ZNF654: variants seen among roughly 807,000 people sequenced by gnomAD.
The protein encoded by ZNF654 is zinc finger protein 654, also known as melanoma-associated antigen.
In ZNF654, 19 loss-of-function variants were observed where a neutral mutation model predicts 95.3. The observed-to-expected ratio is 0.20, with a 90% CI of 0.14 to 0.29. The LOEUF (loss-of-function observed/expected upper bound fraction) is 0.29. Among genes scored for constraint, ZNF654 ranks in the 10% least tolerant of loss-of-function variants. The probability of loss-of-function intolerance (pLI) is 1.00; values close to 1 mark genes in which losing one functional copy is unlikely to be tolerated. For synonymous variants in ZNF654, 413 were observed against 457.9 expected, an observed-to-expected ratio of 0.90 and a Z score of 1.25; for missense variants, 1,046 against 1,341.0, an observed-to-expected ratio of 0.78 and a Z score of 3.44.
intron 2 of ZNF654, among the ~76,000 whole-genome samples, chr3:88,112,843 G>T (rs965384499): frequency 6.6e-6 from 1 of 151,944 alleles, no homozygotes; most frequent in Non-Finnish European, 1.5e-5. Flanking sequence ...CCATTAAATT[G>T]TATTGCATTG....
chr3:88,097,992 C>A (rs1704168018), intron 2 of ZNF654, among the ~76,000 whole-genome samples: 1 of 152,062 alleles, frequency 6.6e-6, no homozygotes, highest in South Asian at 2.1e-4. Flanking sequence ...CAGAGCAGAA[C>A]TGAAGGAGAT....
At chr3:88,123,954 C>T (rs1576326356) in intron 3 of ZNF654, among the ~76,000 whole-genome samples, 1 of 152,168 alleles carries the variant, frequency 6.6e-6, no homozygotes, top group East Asian at 1.9e-4. Flanking sequence ...ACCCATGAAG[C>T]TGTTCCCAAG....
intron 1 of ZNF654, among the ~76,000 whole-genome samples, chr3:88,079,315 T>A (rs1707965842): frequency 6.6e-6 from 1 of 152,030 alleles, no homozygotes; most frequent in African/African-American, 2.4e-5. Context: ...GAACTGAAAA[T>A]TTTGTAGACT....
chr3:88,116,067 A>G lies in ZNF654; in HGVS notation c.414+2871A>G, dbSNP rs113486485. Among the ~76,000 whole-genome samples the G allele has an allele frequency of 8.7e-3, 1,317 of 152,234 alleles. 17 individuals carry two copies. The highest frequency in any genetic ancestry group is 0.03 in the African/African-American group (1,245 of 41,550). ...CTGGTATCCAGTCATGTCCCCCTCT[A>G]TCCCCTGCTTGTAACAACAAGGGCT... On this transcript the variant is annotated intron_variant, in intron 3 of 8. Transcript: ENST00000636215.
chr3:88,101,715 A>T (rs2107719485), intron 2 of ZNF654, among the ~76,000 whole-genome samples: 1 of 152,178 alleles, frequency 6.6e-6, no homozygotes, highest in South Asian at 2.1e-4. Context: ...TAGATGTATG[A>T]TTAGTTTATG....
intron 1 of ZNF654, among the ~76,000 whole-genome samples, chr3:88,080,117 CATTTTAT>C (rs970177124): frequency 8.6e-5 from 13 of 151,924 alleles, no homozygotes; most frequent in African/African-American, 3.1e-4. Context: ...AGGCATGTAG[CATTTTAT>C]TTATATTGCT....
rs1396182585 is a variant in ZNF654 at position 88,066,136 on chromosome 3, AT to A, written c.186+6632del. Among the ~76,000 whole-genome samples, 3 of 152,260 alleles carry A rather than the reference AT, an allele frequency of 2.0e-5. No homozygotes were observed. The East Asian group carries it at 5.8e-4, about 29-fold the overall frequency. ...GCATGTGAGATGCTTTTTTAAAAAA[AT>A]GAATTGGTTAAATAAACTTATGAAA... On this transcript the variant is annotated intron_variant, in intron 1 of 8. Coordinates refer to ENST00000636215, the MANE Select transcript of ZNF654 (RefSeq NM_001350134.2).
chr3:88,085,575 A>T (rs780497410), intron 1 of ZNF654, among the ~76,000 whole-genome samples: 1 of 152,214 alleles, frequency 6.6e-6, no homozygotes, highest in Admixed American at 6.5e-5. Flanking sequence ...CATTCTTGCA[A>T]CATAGCAATT....
chr3:88,129,039 T>C, intron 5 of ZNF654, 28 bp downstream of exon 5: 1 of 1,499,960 alleles, frequency 6.7e-7, no homozygotes, highest in Non-Finnish European at 8.9e-7. Flanking sequence ...TTTTGCCTAT[T>C]ACCATTTTAA....
At chr3:88,081,485 CTGTT>C (rs1302010532) in intron 1 of ZNF654, among the ~76,000 whole-genome samples, 6 of 152,288 alleles carry the variant, frequency 3.9e-5, no homozygotes, top group African/African-American at 1.2e-4. Flanking sequence ...TGGTGCTTCT[CTGTT>C]TGTCTTTTTC....
At chr3:88,100,988 A>G (rs1704388374) in intron 2 of ZNF654, among the ~76,000 whole-genome samples, 1 of 152,182 alleles carries the variant, frequency 6.6e-6, no homozygotes, top group South Asian at 2.1e-4. Context: ...GACAATTTTC[A>G]AGTATACTTG....
intron 2 of ZNF654, among the ~76,000 whole-genome samples, chr3:88,099,182 A>T (rs904844619): frequency 6.6e-6 from 1 of 152,200 alleles, no homozygotes; most frequent in African/African-American, 2.4e-5. Flanking sequence ...GCATTCCTCT[A>T]CACCAATAAC....
intron 6 of ZNF654, among the ~76,000 whole-genome samples, chr3:88,131,744 A>G (rs114497500): frequency 1.3e-5 from 2 of 151,664 alleles, no homozygotes; most frequent in African/African-American, 4.8e-5. Context: ...ATGATGGCCT[A>G]CCCTCTTATT....
At position 88,143,429 on chromosome 3, in the gene ZNF654, C is replaced by A. The variant is rs1366815055; in HGVS notation, c.*1777C>A. 1 of 152,050 alleles carries A rather than the reference C, an allele frequency of 6.6e-6. No individual in the cohort carries two copies. Among genetic ancestry groups the A allele is most frequent in the African/African-American group, 2.4e-5 (1 of 41,372 alleles). The allele number at this position is 152,050 out of a possible 1,614,324, so 9.4% of individuals were successfully genotyped here. On this transcript the variant is annotated 3_prime_UTR_variant, in exon 9 of 9. Transcript: ENST00000636215. ...GCTAAAAAAAATGTTTCCTGTATTT[C>A]TTGATACTAAAAATGTAATGATTTT... is the stretch of plus-strand genomic sequence containing the variant.
chr3:88,138,647 T>TA (rs1385562152), intron 7 of ZNF654, 58 bp from the exon 8 acceptor site: 1 of 1,020,650 alleles, frequency 9.8e-7, no homozygotes, highest in Non-Finnish European at 1.3e-6. Context: ...AAAGATAGAC[T>TA]AGTATAACCA....
intron 6 of ZNF654, among the ~76,000 whole-genome samples, chr3:88,132,262 G>T (rs1335146938): frequency 1.3e-5 from 2 of 152,050 alleles, no homozygotes; most frequent in African/African-American, 4.8e-5. Context: ...GTATTGTAAG[G>T]GTGACTGACG....
At chr3:88,118,535 C>T (rs1237613020) in intron 3 of ZNF654, among the ~76,000 whole-genome samples, 1 of 152,048 alleles carries the variant, frequency 6.6e-6, no homozygotes, top group Non-Finnish European at 1.5e-5. Context: ...AAGATGAAGA[C>T]GTTTAGAACT....
intron 3 of ZNF654, among the ~76,000 whole-genome samples, chr3:88,124,055 CAT>C (rs554315281): frequency 2.4e-4 from 37 of 152,260 alleles, no homozygotes; most frequent in African/African-American, 8.7e-4. Flanking sequence ...AACATGGTGA[CAT>C]GTGGAAATGC....
rs545623848 is a variant in ZNF654, at chr3:88,074,769, G to T, written c.187-11488G>T. Among the ~76,000 whole-genome samples the T allele has an allele frequency of 7.9e-5, 12 of 152,160 alleles. No individual in the cohort carries two copies. The East Asian group carries it at 2.3e-3, about 29-fold the overall frequency. On this transcript the variant is annotated intron_variant, in intron 1 of 8. Coordinates refer to ENST00000636215, the MANE Select transcript of ZNF654 (RefSeq NM_001350134.2). ...CAACTATACTATGTACTAAATTCAG[G>T]GAATTACTTTTGCCAGTAAAAATTA... is the stretch of plus-strand genomic sequence containing the variant.
Sources: allele counts gnomAD v4.1 joint callset (sites outside exome capture counted in the v4.1 genomes callset), GRCh38; gene constraint gnomAD v4.1.1; transcripts MANE v1.5; gene names NCBI Gene and HGNC (gene_info 2026-07-23, HGNC 2026-07-21).